Variants in PYROXD2 observed in about 807,000 individuals in gnomAD.
PYROXD2 encodes pyridine nucleotide-disulfide oxidoreductase domain-containing protein 2.
A neutral mutation model predicts 71.1 loss-of-function variants in PYROXD2; 69 were observed. The ratio of observed to expected loss-of-function variants is 0.97; its 90% CI spans 0.80 to 1.19. The LOEUF (loss-of-function observed/expected upper bound fraction) is 1.19. PYROXD2 is among the 50% of genes most tolerant of loss of function. The pLI is 0.00. For missense variants in PYROXD2, 745 were observed against 748.9 expected, an observed-to-expected ratio of 0.99 and a Z score of 0.06; for synonymous variants, 287 against 302.7, an observed-to-expected ratio of 0.95 and a Z score of 0.54.
intron 4 of PYROXD2, among the ~76,000 whole-genome samples, chr10:98,403,181 C>G (rs1288790054): frequency 6.6e-6 from 1 of 152,190 alleles, no homozygotes; most frequent in Non-Finnish European, 1.5e-5. Flanking sequence ...AAGATGGAGA[C>G]ATTCTTTATT....
At chr10:98,391,905 G>A (rs1590940636) in intron 10 of PYROXD2, among the ~76,000 whole-genome samples, 1 of 152,040 alleles carries the variant, frequency 6.6e-6, no homozygotes, top group East Asian at 1.9e-4. Flanking sequence ...AAGGAGTCCC[G>A]CCAAGATCAG....
At chr10:98,403,462 T>C (rs1267775817) in intron 4 of PYROXD2, among the ~76,000 whole-genome samples, 1 of 152,254 alleles carries the variant, frequency 6.6e-6, no homozygotes, top group African/African-American at 2.4e-5. Context: ...GTGAACTTCC[T>C]GATCACACAC....
chr10:98,415,025 C>G lies in PYROXD2; in HGVS notation c.111G>C (p.Ala37=). The change falls in exon 1 of 16, where the codon GCG becomes GCC. Residue 37 remains alanine, a synonymous_variant. Transcript: ENST00000370575. ...CCACTTTACCTGCTCCTATCACCACCGCATCATACTCAGGCTTCAGACCTC... is the reference window on the plus strand; with the variant it reads ...CCACTTTACCTGCTCCTATCACCACGGCATCATACTCAGGCTTCAGACCTC... The part of the protein sequence containing the change: ...ARGGLKPEYD[A]VVIGAGHNGL... 1 of 1,613,696 alleles carries G rather than the reference C, an allele frequency of 6.2e-7. No homozygotes were observed. Among genetic ancestry groups the G allele is most frequent in the Non-Finnish European group, 8.5e-7 (1 of 1,179,778 alleles).
intron 9 of PYROXD2, 72 bp from the exon 10 acceptor site, chr10:98,392,638 A>G: frequency 3.2e-6 from 5 of 1,587,132 alleles, no homozygotes; most frequent in Non-Finnish European, 4.3e-6. Flanking sequence ...CGGGATTTCC[A>G]TGGTCTGTGC....
In PYROXD2 at chr10:98,392,511, T is replaced by C; in HGVS notation, c.983A>G (p.Glu328Gly). The change falls in exon 10 of 16, where the codon GAA becomes GGA. Residue 328 changes from glutamate to glycine, a missense_variant. Transcript: ENST00000370575. ...TTTGCTTCTCACCTCTGTGCCATCT[T>C]CCAGCACAACTCCTTGAACACAGCC... ...SEGCVQGVVL[E>G]DGTEVRSKMV... 6.2e-7 allele frequency: 1 copy of C among 1,613,792 alleles called. No homozygotes were observed. The highest frequency in any genetic ancestry group is 1.1e-5 in the South Asian group (1 of 91,082).
intron 2 of PYROXD2, 39 bp from the exon 3 acceptor site, chr10:98,408,036 C>G: frequency 6.4e-7 from 1 of 1,561,398 alleles, no homozygotes; most frequent in South Asian, 1.2e-5. Flanking sequence ...TCCCTTTATC[C>G]CTCTGAAATG....
chr10:98,386,419 C>A (rs1029551264), intron 14 of PYROXD2, among the ~76,000 whole-genome samples: 1 of 151,864 alleles, frequency 6.6e-6, no homozygotes, highest in Non-Finnish European at 1.5e-5. Context: ...CCAATATATC[C>A]AAAATATTAT....
intron 6 of PYROXD2, among the ~76,000 whole-genome samples, chr10:98,396,303 AAGTCCACACCC>A (rs1843175233): frequency 1.3e-5 from 2 of 152,234 alleles, no homozygotes; most frequent in African/African-American, 4.8e-5. Flanking sequence ...CTGATGTGAA[AAGTCCACACCC>A]AGGTCAGCAT....
intron 4 of PYROXD2, among the ~76,000 whole-genome samples, chr10:98,404,589 G>C (rs1482042776): frequency 6.6e-6 from 1 of 152,050 alleles, no homozygotes; most frequent in Non-Finnish European, 1.5e-5. Context: ...CAAAATGAAA[G>C]CAAACCCTTC....
intron 5 of PYROXD2, among the ~76,000 whole-genome samples, chr10:98,397,958 C>T (rs1843254245): frequency 7.1e-6 from 1 of 140,374 alleles, no homozygotes; most frequent in South Asian, 2.3e-4. Flanking sequence ...TGTCGGCTCA[C>T]TGCAACCTCT....
chr10:98,395,463 A>C lies in PYROXD2; in HGVS notation c.626-11T>G, dbSNP rs1308040523. 4 of 1,613,548 alleles carry C rather than the reference A, an allele frequency of 2.5e-6. No homozygotes were observed. Among genetic ancestry groups the C allele is most frequent in the Non-Finnish European group, 3.4e-6 (4 of 1,179,442 alleles). On this transcript the variant is annotated splice_polypyrimidine_tract_variant and intron_variant, in intron 6 of 15. Coordinates refer to ENST00000370575, the MANE Select transcript of PYROXD2 (RefSeq NM_032709.3). The stretch of plus-strand genomic sequence containing the variant: ...CTCCCAGGATGCGGCCTACAAGAGA[A>C]GATCCACAAAACAGAAGTTGAAACA...
At chr10:98,394,426 G>C (rs77825190) in intron 8 of PYROXD2, among the ~76,000 whole-genome samples, 4 of 152,054 alleles carry the variant, frequency 2.6e-5, no homozygotes, top group Non-Finnish European at 2.9e-5. Context: ...AACCACTTCC[G>C]AGGGTGTGCT....
At chr10:98,393,209 C>A in intron 8 of PYROXD2, 126 bp from the exon 9 acceptor site, 1 of 746,042 alleles carries the variant, frequency 1.3e-6, no homozygotes, top group Non-Finnish European at 2.1e-6. Context: ...CCTCTCCCAG[C>A]AGCCTTCAAT....
intron 6 of PYROXD2, among the ~76,000 whole-genome samples, chr10:98,396,270 G>T (rs11598689): frequency 0.23 from 35,132 of 152,026 alleles, 4,628 homozygotes; most frequent in South Asian, 0.41. Flanking sequence ...GTACATTGGG[G>T]CATGCCCTCT....
At chr10:98,413,936 G>A (rs916356282) in intron 1 of PYROXD2, 10 of 152,022 alleles carry the variant, frequency 6.6e-5, no homozygotes, top group African/African-American at 9.7e-5. Flanking sequence ...AGAATCACTC[G>A]GGTAGACTGC....
intron 10 of PYROXD2, among the ~76,000 whole-genome samples, chr10:98,391,593 C>T (rs1842946953): frequency 6.6e-6 from 1 of 152,174 alleles, no homozygotes; most frequent in African/African-American, 2.4e-5. Flanking sequence ...AAGCTCACCC[C>T]TCCCTGTTTG....
rs1023304457 is a variant in PYROXD2, at chr10:98,414,551, C to T, written c.127+458G>A. 3.9e-5 allele frequency among the ~76,000 whole-genome samples: 6 copies of T among 152,222 alleles called. No homozygotes were observed. In the East Asian group the frequency reaches 9.7e-4, roughly 25 times the overall value. On this transcript the variant is annotated intron_variant, in intron 1 of 15. Coordinates refer to ENST00000370575, the MANE Select transcript of PYROXD2 (RefSeq NM_032709.3). The stretch of plus-strand genomic sequence containing the variant: ...ATGAAATGACTGCAGTTTCTTGTGA[C>T]GAGGGGTGGCCTCAGTGGTAAGGTA...
intron 2 of PYROXD2, 93 bp downstream of exon 2, chr10:98,410,846 C>G (rs1020252465): frequency 3.0e-5 from 47 of 1,543,270 alleles, no homozygotes; most frequent in Non-Finnish European, 3.8e-5. Flanking sequence ...TCTCAAGGCC[C>G]TTATCCCACC....
intron 4 of PYROXD2, among the ~76,000 whole-genome samples, chr10:98,401,288 AAGGT>A: frequency 1.3e-5 from 2 of 149,976 alleles, no homozygotes; most frequent in African/African-American, 5.0e-5. Context: ...AAACATAGAA[AAGGT>A]ACATTAAGAA....
Sources: allele counts gnomAD v4.1 joint callset (sites outside exome capture counted in the v4.1 genomes callset), GRCh38; gene constraint gnomAD v4.1.1; transcripts MANE v1.5; gene names NCBI Gene and HGNC (gene_info 2026-07-23, HGNC 2026-07-21).